The following SPTAN1 variants were observed in gnomAD, a reference collection of about 807,000 sequenced individuals.
SPTAN1 encodes the protein spectrin alpha chain, non-erythrocytic 1.
In SPTAN1, 61 loss-of-function variants were observed where a neutral mutation model predicts 331.3. The ratio of observed to expected loss-of-function variants is 0.18; its 90% CI spans 0.15 to 0.23. SPTAN1 has a LOEUF of 0.23. Ranked by LOEUF, SPTAN1 falls within the 10% of genes least tolerant of loss-of-function variation. The probability of loss-of-function intolerance (pLI) is 1.00; values close to 1 mark genes in which losing one functional copy is unlikely to be tolerated. For missense variants in SPTAN1, 2,043 were observed against 3,147.9 expected (o/e 0.65, Z 8.40); for synonymous variants, 1,153 against 1,173.9 (o/e 0.98, Z 0.36).
chr9:128,618,118 C>T lies in SPTAN1; in HGVS notation c.5600+10C>T. On this transcript the variant is annotated intron_variant, in intron 43 of 56. Coordinates refer to ENST00000372739, the MANE Select transcript of SPTAN1 (RefSeq NM_001130438.3). ...AGCTGGCAGCTGCCCGGTGAGTAGT[C>T]AGAGGCAGGAGCTCCCGGGAACAAG... is the stretch of plus-strand genomic sequence containing the variant. The T allele has an allele frequency of 6.2e-7, 1 of 1,612,756 alleles. No homozygotes were observed. The highest frequency in any genetic ancestry group is 8.5e-7 in the Non-Finnish European group (1 of 1,179,814).
chr9:128,626,029 C>T (rs370897530), intron 48 of SPTAN1, 51 bp downstream of exon 48: 24 of 1,601,566 alleles, frequency 1.5e-5, no homozygotes, highest in African/African-American at 8.0e-5. Flanking sequence ...CAAGGAAGGA[C>T]GCCCACCTTC....
At position 128,603,528 on chromosome 9, in the gene SPTAN1, T is replaced by C; in HGVS notation, c.3580-15T>C. On this transcript the variant is annotated splice_polypyrimidine_tract_variant and intron_variant, in intron 27 of 56. Coordinates refer to ENST00000372739, the MANE Select transcript of SPTAN1 (RefSeq NM_001130438.3). Reference sequence around the variant, plus strand: ...CACTTGATTAGTTTTGCCTTCTGCTTTCCTCCCTACCTAGTCTGCTCGTCT... The same window carrying C: ...CACTTGATTAGTTTTGCCTTCTGCTCTCCTCCCTACCTAGTCTGCTCGTCT... 1 of 1,614,164 alleles carries C rather than the reference T, an allele frequency of 6.2e-7. No individual in the cohort carries two copies. Among genetic ancestry groups the C allele is most frequent in the Non-Finnish European group, 8.5e-7 (1 of 1,180,028 alleles).
At position 128,566,851 on chromosome 9, in the gene SPTAN1, T is replaced by A. The variant is rs774051017; in HGVS notation, c.111T>A (p.Arg37=). 1.2e-5 allele frequency: 19 copies of A among 1,614,080 alleles called. No homozygotes were observed. In the Admixed American group the frequency reaches 2.2e-4, roughly 18 times the overall value. The change falls in exon 2 of 57, where the codon CGT becomes CGA. Residue 37 remains arginine, a synonymous_variant. Transcript: ENST00000372739. ...HRFKELSTLR[R]QKLEDSYRFQ... is the part of the protein sequence containing the mutation. ...TCAAGGAACTCTCAACCCTTAGGCGTCAGAAGCTGGAAGATTCCTATCGAT... is the reference window on the plus strand; with the variant it reads ...TCAAGGAACTCTCAACCCTTAGGCGACAGAAGCTGGAAGATTCCTATCGAT...
Position 128,629,816 on chromosome 9 carries a change from G to T in SPTAN1, c.6708-505G>T, listed in dbSNP as rs1009898653. 1.1e-5 allele frequency: 3 copies of T among 274,036 alleles called. No individual in the cohort carries two copies. The highest frequency in any genetic ancestry group is 4.6e-5 in the Admixed American group (1 of 21,618). The allele number at this position is 274,036 out of a possible 1,614,324, so 17.0% of individuals were successfully genotyped here. On this transcript the variant is annotated intron_variant, in intron 51 of 56. Coordinates refer to ENST00000372739, the MANE Select transcript of SPTAN1 (RefSeq NM_001130438.3). The surrounding 1 kb of genome is among the most constrained non-coding windows in gnomAD (Gnocchi z 4.9). ...TCCCAGCACTCCACTTGTGTCCTTT[G>T]TCTGCAGGGTCGTGCTCTCATTCCC...
Position 128,626,494 on chromosome 9 carries a change from T to C in SPTAN1, c.6383T>C (p.Leu2128Ser). 1 of 1,614,164 alleles carries C rather than the reference T, an allele frequency of 6.2e-7. No individual in the cohort carries two copies. Among genetic ancestry groups the C allele is most frequent in the South Asian group, 1.1e-5 (1 of 91,084 alleles). ...DLTDPVRCNSLEEIKALREAH... is the reference protein window; with the variant it reads ...DLTDPVRCNSSEEIKALREAH... Reference sequence around the variant, plus strand: ...ACAGACCCCGTGCGCTGCAACTCCTTGGAAGAAATCAAAGCTTTGCGCGAG... The same window carrying C: ...ACAGACCCCGTGCGCTGCAACTCCTCGGAAGAAATCAAAGCTTTGCGCGAG... The change falls in exon 49 of 57, where the codon TTG becomes TCG. Residue 2128 changes from leucine (L) to serine (S), a missense_variant. Coordinates refer to ENST00000372739, the MANE Select transcript of SPTAN1 (RefSeq NM_001130438.3).
Position 128,625,773 on chromosome 9 carries a change from C to G in SPTAN1, c.6074C>G (p.Thr2025Ser). 3.1e-6 allele frequency: 5 copies of G among 1,614,032 alleles called. No homozygotes were observed. Among genetic ancestry groups the G allele is most frequent in the Non-Finnish European group, 4.2e-6 (5 of 1,180,034 alleles). ...GGCTTGTCACTCCTTGTTCAGGAAA[C>G]TTTTGACGCTGGGCTGCAGGCCTTC... is the stretch of plus-strand genomic sequence containing the variant. The part of the protein sequence containing the change: ...SVQTLLTKQE[T>S]FDAGLQAFQQ... Residue 2025 changes from threonine (T) to serine (S), a missense_variant, in exon 48 of 57, where the codon ACT becomes AGT. Thr to Ser is a moderately conservative substitution (Grantham distance 58). Around this residue, in one of 12 missense-constraint regions of SPTAN1, gnomAD observed 256 missense variants for 376.4 expected, o/e 0.68. Transcript: ENST00000372739. The surrounding 1 kb of genome is among the most constrained non-coding windows in gnomAD (Gnocchi z 4.1).
chr9:128,565,532 A>ATC (rs1849922329), intron 1 of SPTAN1, among the ~76,000 whole-genome samples: 1 of 152,234 alleles, frequency 6.6e-6, no homozygotes. Flanking sequence ...GATCAGGCAC[A>ATC]GACAGTGCCT....
chr9:128,603,485 A>G (rs993717486), intron 27 of SPTAN1, 58 bp from the exon 28 acceptor site: 18 of 1,596,634 alleles, frequency 1.1e-5, no homozygotes, highest in Non-Finnish European at 1.5e-5. Flanking sequence ...CTTGCAGCTC[A>G]GATCTCTAAT....
At chr9:128,595,076 C>A in intron 24 of SPTAN1, among the ~76,000 whole-genome samples, 1 of 151,712 alleles carries the variant, frequency 6.6e-6, no homozygotes, top group East Asian at 1.9e-4. Flanking sequence ...TCCCAAAGTA[C>A]TGGGATAACA....
chr9:128,608,713 T>A (rs993048882), intron 34 of SPTAN1, among the ~76,000 whole-genome samples, 161 bp from the exon 35 acceptor site: 19 of 152,228 alleles, frequency 1.2e-4, no homozygotes, highest in African/African-American at 4.6e-4. Context: ...AAGCTTTCTT[T>A]TGGCATTTTA....
intron 3 of SPTAN1, among the ~76,000 whole-genome samples, chr9:128,574,302 A>G (rs1241244914): frequency 1.3e-5 from 2 of 149,066 alleles, no homozygotes; most frequent in South Asian, 2.1e-4. Flanking sequence ...ACCTATTATT[A>G]TATAATACTA....
chr9:128,568,239 C>T (rs1850265575), intron 2 of SPTAN1, among the ~76,000 whole-genome samples: 6 of 152,156 alleles, frequency 3.9e-5, no homozygotes, highest in South Asian at 2.1e-4. Context: ...TAGGTACAAT[C>T]CCTGCCTGGC....
chr9:128,582,882 C>G (rs375172350), intron 14 of SPTAN1, 33 bp downstream of exon 14: 11 of 1,609,702 alleles, frequency 6.8e-6, no homozygotes, highest in South Asian at 3.3e-5. Context: ...ATGTAGCACT[C>G]GATTAGTAAG....
At chr9:128,554,906 C>G (rs1848473377) in intron 1 of SPTAN1, among the ~76,000 whole-genome samples, 1 of 152,176 alleles carries the variant, frequency 6.6e-6, no homozygotes. Context: ...AAACTAGGCC[C>G]AAGTCAGATC....
intron 51 of SPTAN1, chr9:128,628,247 C>A: frequency 1.9e-6 from 1 of 532,092 alleles, no homozygotes; most frequent in Non-Finnish European, 3.6e-6. Flanking sequence ...AGTCCAGAGG[C>A]CCTAAGAACC....
rs1280697666 is a variant in SPTAN1 at position 128,598,385 on chromosome 9, G to A, written c.3415-15G>A. 2 of 1,606,234 alleles carry A rather than the reference G, an allele frequency of 1.2e-6. No homozygotes were observed. Among genetic ancestry groups the A allele is most frequent in the East Asian group, 2.2e-5 (1 of 44,758 alleles). ...GCTATTTTGGGTTTTAGTTATTATGGCTTTTGCTTTAAAGGACCTGAAGGC... is the reference window on the plus strand; with the variant it reads ...GCTATTTTGGGTTTTAGTTATTATGACTTTTGCTTTAAAGGACCTGAAGGC... On this transcript the variant is annotated splice_polypyrimidine_tract_variant and intron_variant, in intron 24 of 56. Coordinates refer to ENST00000372739, the MANE Select transcript of SPTAN1 (RefSeq NM_001130438.3).
At chr9:128,570,800 G>A (rs1304919590) in intron 3 of SPTAN1, among the ~76,000 whole-genome samples, 2 of 152,024 alleles carry the variant, frequency 1.3e-5, no homozygotes, top group African/African-American at 4.8e-5. Flanking sequence ...AGGATTACAG[G>A]CATGCGCTGT....
At chr9:128,576,761 G>A (rs1851350819) in intron 5 of SPTAN1, 62 bp from the exon 6 acceptor site, 15 of 1,602,242 alleles carry the variant, frequency 9.4e-6, no homozygotes, top group Non-Finnish European at 1.3e-5. Context: ...CCAACCCCAG[G>A]GTAACTAGTT....
intron 9 of SPTAN1, among the ~76,000 whole-genome samples, chr9:128,578,640 C>G (rs945068058): frequency 6.6e-6 from 1 of 152,044 alleles, no homozygotes; most frequent in Non-Finnish European, 1.5e-5. Flanking sequence ...ACCATCCATG[C>G]CAACATGGTG....
Sources: allele counts gnomAD v4.1 joint callset (sites outside exome capture counted in the v4.1 genomes callset), GRCh38; gene constraint gnomAD v4.1.1; regional missense constraint gnomAD v4.1.1; non-coding constraint Gnocchi (gnomAD v3.1); transcripts MANE v1.5; gene names NCBI Gene and HGNC (gene_info 2026-07-23, HGNC 2026-07-21).